The following ZFHX3 variants were observed in gnomAD, a reference collection of about 807,000 sequenced individuals.
ZFHX3 encodes zinc finger homeobox protein 3.
ZFHX3 carries 42 observed loss-of-function variants against 279.1 expected under a neutral mutation model. The observed-to-expected ratio is 0.15, with a 90% CI of 0.12 to 0.19. ZFHX3 has a LOEUF of 0.19. Among genes scored for constraint, ZFHX3 ranks in the 10% least tolerant of loss-of-function variants. The pLI is 1.00. For synonymous variants in ZFHX3, 2,293 were observed against 1,957.8 expected, an observed-to-expected ratio of 1.17 and a Z score of -4.52; for missense variants, 4,981 against 4,754.0, an observed-to-expected ratio of 1.05 and a Z score of -1.40.
intron 1 of ZFHX3, among the ~76,000 whole-genome samples, chr16:73,776,494 G>A (rs909961435): frequency 2.6e-5 from 4 of 152,070 alleles, no homozygotes; most frequent in African/African-American, 7.2e-5. Context: ...TCTGGCTATC[G>A]ACGACAGGGA....
At chr16:73,444,135 T>C (rs909780371) in intron 3 of ZFHX3, among the ~76,000 whole-genome samples, 8 of 152,178 alleles carry the variant, frequency 5.3e-5, no homozygotes, top group African/African-American at 1.7e-4. Context: ...ATTTAGCTTT[T>C]CCTCAATAAA....
At chr16:73,536,437 T>C (rs1014537742) in intron 2 of ZFHX3, among the ~76,000 whole-genome samples, 1 of 152,198 alleles carries the variant, frequency 6.6e-6, no homozygotes, top group Non-Finnish European at 1.5e-5. Context: ...TTTAGACACA[T>C]CACTTTCATT....
intron 1 of ZFHX3, among the ~76,000 whole-genome samples, chr16:72,995,035 T>C (rs1597068113): frequency 6.6e-6 from 1 of 152,210 alleles, no homozygotes; most frequent in East Asian, 1.9e-4. Context: ...AATCTGCTCC[T>C]AACGCCCCAT....
chr16:73,754,090 C>G (rs1372167858), intron 1 of ZFHX3, among the ~76,000 whole-genome samples: 1 of 151,680 alleles, frequency 6.6e-6, no homozygotes, highest in African/African-American at 2.4e-5. Context: ...ACTGCAAACT[C>G]CTCTGGAATT....
chr16:73,419,713 G>A (rs2017677330), intron 3 of ZFHX3, among the ~76,000 whole-genome samples: 1 of 151,916 alleles, frequency 6.6e-6, no homozygotes, highest in South Asian at 2.1e-4. Context: ...CTCTCAAATA[G>A]CTGGGATCAT....
At chr16:73,312,779 G>C (rs1283729341) in intron 4 of ZFHX3, among the ~76,000 whole-genome samples, 1 of 152,220 alleles carries the variant, frequency 6.6e-6, no homozygotes, top group Non-Finnish European at 1.5e-5. Flanking sequence ...AAGGTCAACA[G>C]CTAGTTAATG....
intron 1 of ZFHX3, among the ~76,000 whole-genome samples, chr16:73,031,204 GT>G (rs752727371): frequency 3.6e-4 from 55 of 152,298 alleles, no homozygotes; most frequent in Non-Finnish European, 5.9e-4. Flanking sequence ...CATCACAAAT[GT>G]TTTCACAAAT....
chr16:73,415,729 T>C (rs1163207620), intron 3 of ZFHX3, among the ~76,000 whole-genome samples: 1 of 152,202 alleles, frequency 6.6e-6, no homozygotes, highest in Non-Finnish European at 1.5e-5. Context: ...GTTGGGCAGT[T>C]TGGTGACGCC....
intron 2 of ZFHX3, among the ~76,000 whole-genome samples, chr16:73,514,257 AT>A (rs1201934662): frequency 6.6e-6 from 1 of 152,122 alleles, no homozygotes; most frequent in African/African-American, 2.4e-5. Context: ...CAAAAAAAAA[AT>A]AAAAAATAAA....
At chr16:73,669,498 A>C (rs2052880578) in intron 2 of ZFHX3, among the ~76,000 whole-genome samples, 1 of 152,238 alleles carries the variant, frequency 6.6e-6, no homozygotes, top group Non-Finnish European at 1.5e-5. Flanking sequence ...CAAAAGACTC[A>C]GGGAAGCTTG....
chr16:73,251,841 ACG>A (rs1341223962), intron 5 of ZFHX3, among the ~76,000 whole-genome samples: 35 of 145,848 alleles, frequency 2.4e-4, no homozygotes, highest in African/African-American at 8.7e-4. Flanking sequence ...CACCATGCAC[ACG>A]CACATACACA....
At position 73,115,002 on chromosome 16, in the gene ZFHX3, TC is replaced by T. The variant is rs151198876; in HGVS notation, c.-897+15965del. ...GGGCCCCAGGCCCTTCTATAGCGAT[TC>T]CTCAAGAGTCTACTGTCATAGAAGC... On this transcript the variant is annotated intron_variant, in intron 7 of 17. Coordinates refer to the ZFHX3 transcript ENST00000641206. Among the ~76,000 whole-genome samples, 1,224 of 152,144 alleles carry T rather than the reference TC, an allele frequency of 8.0e-3. 11 individuals carry two copies. The highest frequency in any genetic ancestry group is 0.028 in the African/African-American group (1,183 of 41,530).
At chr16:73,774,744 T>C (rs1351271721) in intron 1 of ZFHX3, among the ~76,000 whole-genome samples, 2 of 152,074 alleles carry the variant, frequency 1.3e-5, no homozygotes, top group African/African-American at 4.8e-5. Flanking sequence ...CAGACAACGG[T>C]GGTTTTCTTA....
chr16:73,876,906 C>T (rs752765820), intron 1 of ZFHX3, among the ~76,000 whole-genome samples: 1 of 151,968 alleles, frequency 6.6e-6, no homozygotes, highest in African/African-American at 2.4e-5. Context: ...CTGGCTCCCA[C>T]GCAGAGTTGT....
At chr16:73,632,404 C>T (rs758331844) in intron 2 of ZFHX3, among the ~76,000 whole-genome samples, 2 of 152,154 alleles carry the variant, frequency 1.3e-5, no homozygotes, top group African/African-American at 2.4e-5. Flanking sequence ...TCATATGAGC[C>T]GGGTGCGGTG....
chr16:73,435,414 T>C (rs1229527678), intron 3 of ZFHX3, among the ~76,000 whole-genome samples: 2 of 152,154 alleles, frequency 1.3e-5, no homozygotes, highest in African/African-American at 4.8e-5. Context: ...TTTGCCATGT[T>C]GGGCAGGCTG....
At chr16:73,755,188 C>A (rs1196814476) in intron 1 of ZFHX3, among the ~76,000 whole-genome samples, 1 of 152,194 alleles carries the variant, frequency 6.6e-6, no homozygotes, top group Non-Finnish European at 1.5e-5. Context: ...TAATCTCTAA[C>A]ATCTCCTTTT....
At chr16:73,345,026 G>T (rs1207205537) in intron 3 of ZFHX3, among the ~76,000 whole-genome samples, 1 of 152,058 alleles carries the variant, frequency 6.6e-6, no homozygotes, top group Non-Finnish European at 1.5e-5. Flanking sequence ...TGTATCCCTT[G>T]TCCTGTTCAT....
At chr16:72,916,201 T>G (rs2039439023) in intron 3 of ZFHX3, among the ~76,000 whole-genome samples, 1 of 152,198 alleles carries the variant, frequency 6.6e-6, no homozygotes, top group African/African-American at 2.4e-5. Context: ...TTTCTTTTTC[T>G]CAAATAAGGT....
Sources: allele counts gnomAD v4.1 joint callset (sites outside exome capture counted in the v4.1 genomes callset), GRCh38; gene constraint gnomAD v4.1.1; transcripts MANE v1.5; gene names NCBI Gene and HGNC (gene_info 2026-07-23, HGNC 2026-07-21).